The following UGT3A2 variants were observed in gnomAD, a reference collection of about 807,000 sequenced individuals.
UGT3A2 encodes the protein UDP-glycosyltransferase 3A2.
UGT3A2 carries 32 observed loss-of-function variants against 39.8 expected under a neutral mutation model. The ratio of observed to expected loss-of-function variants is 0.80; its 90% CI spans 0.61 to 1.08. The LOEUF is 1.08. Ranked by LOEUF, UGT3A2 falls within the 50% of genes least tolerant of loss-of-function variation. The probability of loss-of-function intolerance (pLI) is 0.00; values close to 1 mark genes in which losing one functional copy is unlikely to be tolerated. For synonymous variants in UGT3A2, 241 were observed against 230.7 expected (o/e 1.04, Z -0.40); for missense variants, 611 against 637.1 (o/e 0.96, Z 0.44).
At chr5:36,058,740 T>A (rs1193567898) in intron 2 of UGT3A2, among the ~76,000 whole-genome samples, 2 of 151,506 alleles carry the variant, frequency 1.3e-5, no homozygotes, top group Non-Finnish European at 2.9e-5. Flanking sequence ...GGCCCCCTTC[T>A]TTATAACAGT....
At chr5:36,036,080 C>T (rs16902694) in intron 6 of UGT3A2, 106 bp from the exon 7 acceptor site, 21,213 of 1,413,252 alleles carry the variant, frequency 0.015, 582 homozygotes, top group African/African-American at 0.11. Context: ...CAAGGAAATT[C>T]TGTTGGCTTT....
intron 2 of UGT3A2, among the ~76,000 whole-genome samples, chr5:36,052,646 C>G (rs1205408551): frequency 1.3e-5 from 2 of 152,062 alleles, no homozygotes; most frequent in Admixed American, 6.5e-5. Flanking sequence ...CCCATCCTAC[C>G]CCTCCTCACA....
chr5:36,039,418 G>A (rs182922618), intron 5 of UGT3A2, 59 bp downstream of exon 5: 81 of 1,527,750 alleles, frequency 5.3e-5, no homozygotes, highest in African/African-American at 1.6e-4. Flanking sequence ...GGTCAGAGCC[G>A]TGATGAGCCC....
rs72742496 is a variant in UGT3A2 at position 36,037,982 on chromosome 5, G to C, written c.1110C>G (p.Gly370=). ...TGGCCTCCATTATGCTATTCTGCCCGCCGTGGGTGACAAACAGACGGATGC... is the reference window on the plus strand; with the variant it reads ...TGGCCTCCATTATGCTATTCTGCCCCCCGTGGGTGACAAACAGACGGATGC... ...HPSIRLFVTH[G]GQNSIMEAIQ... The change falls in exon 6 of 7, where the codon GGC becomes GGG. Residue 370 remains glycine, a synonymous_variant. Transcript: ENST00000282507. 6.8e-6 allele frequency: 11 copies of C among 1,610,552 alleles called. No homozygotes were observed. Among genetic ancestry groups the C allele is most frequent in the Non-Finnish European group, 9.3e-6 (11 of 1,178,940 alleles).
chr5:36,037,676 G>A (rs2247611), intron 6 of UGT3A2, 121 bp downstream of exon 6: 993,328 of 1,059,352 alleles, frequency 0.94, 466,349 homozygotes, highest in South Asian at 0.98. Flanking sequence ...CCCATGTCCT[G>A]GAAAATACAG....
At chr5:36,036,247 A>C (rs111653463) in intron 6 of UGT3A2, among the ~76,000 whole-genome samples, 1 of 152,222 alleles carries the variant, frequency 6.6e-6, no homozygotes, top group African/African-American at 2.4e-5. Context: ...TAGGAAAATT[A>C]TATATGATGT....
intron 6 of UGT3A2, 135 bp downstream of exon 6, chr5:36,037,662 T>G: frequency 1.1e-6 from 1 of 900,512 alleles, no homozygotes; most frequent in Non-Finnish European, 1.7e-6. Flanking sequence ...CACACACATA[T>G]TATCCCATGT....
At chr5:36,063,864 G>A (rs1247248029) in intron 2 of UGT3A2, among the ~76,000 whole-genome samples, 1 of 152,164 alleles carries the variant, frequency 6.6e-6, no homozygotes, top group Non-Finnish European at 1.5e-5. Flanking sequence ...TCAAACTCCT[G>A]GGTTCAAGTG....
intron 2 of UGT3A2, among the ~76,000 whole-genome samples, chr5:36,055,855 G>T (rs947050781): frequency 5.3e-5 from 8 of 152,010 alleles, no homozygotes; most frequent in African/African-American, 1.9e-4. Flanking sequence ...TTTTCACCAG[G>T]TCTGTGAGAT....
Position 36,052,092 on chromosome 5 carries a change from A to G in UGT3A2, c.197-108T>C, listed in dbSNP as rs1742362064. 4.4e-6 allele frequency: 3 copies of G among 685,784 alleles called. No individual in the cohort carries two copies. The African/African-American group carries it at 5.6e-5, about 13-fold the overall frequency. The allele number at this position is 685,784 out of a possible 1,614,324, so 42.5% of individuals were successfully genotyped here. On this transcript the variant is annotated intron_variant, in intron 2 of 6. Coordinates refer to ENST00000282507, the MANE Select transcript of UGT3A2 (RefSeq NM_174914.4). ...TTTCAAAGATTATGTATGTATTTGA[A>G]TGATTGCTTCAAGTATTTTTTAATG...
chr5:36,049,078 C>A lies in UGT3A2; in HGVS notation c.654G>T (p.Gln218His). Residue 218 changes from glutamine to histidine, a missense_variant, in exon 4 of 7, where the codon CAG becomes CAT. Transcript: ENST00000282507. ...FSFCRRQQHM[Q>H]STFDNTIKEH... ...CCTTGATGGTGTTGTCAAATGTAGA[C>A]TGCATGTGCTGTTGCCTCCTGCAGA... 6.2e-7 allele frequency: 1 copy of A among 1,614,182 alleles called. No homozygotes were observed. Among genetic ancestry groups the A allele is most frequent in the Non-Finnish European group, 8.5e-7 (1 of 1,180,040 alleles).
chr5:36,055,225 G>GTTGTTT (rs1554078769), intron 2 of UGT3A2, among the ~76,000 whole-genome samples: 183 of 150,882 alleles, frequency 1.2e-3, no homozygotes, highest in African/African-American at 4.4e-3. Flanking sequence ...CTGCTCTGCA[G>GTTGTTT]TTTGTTTTTT....
rs181456056 is a variant in UGT3A2 at position 36,063,201 on chromosome 5, T to C, written c.196+1048A>G. Among the ~76,000 whole-genome samples the C allele has an allele frequency of 2.1e-3, 316 of 152,282 alleles. 4 individuals are homozygous for C. Among genetic ancestry groups the C allele is most frequent in the Non-Finnish European group, 3.0e-3 (206 of 68,012 alleles). ...TTCAGGGGGTGCATGTCCAGGTGTA[T>C]TGCATGATGATGGAGTTTGGGCTTT... is the stretch of plus-strand genomic sequence containing the variant. On this transcript the variant is annotated intron_variant, in intron 2 of 6. Coordinates refer to ENST00000282507, the MANE Select transcript of UGT3A2 (RefSeq NM_174914.4).
chr5:36,036,667 A>G (rs1387532491), intron 6 of UGT3A2, among the ~76,000 whole-genome samples: 7 of 152,220 alleles, frequency 4.6e-5, no homozygotes, highest in Non-Finnish European at 5.9e-5. Context: ...AATACATGAA[A>G]TTGCAAATAT....
intron 2 of UGT3A2, among the ~76,000 whole-genome samples, chr5:36,063,031 A>C (rs1434385890): frequency 6.7e-6 from 1 of 149,176 alleles, no homozygotes; most frequent in Non-Finnish European, 1.5e-5. Context: ...ACAGAGCGAG[A>C]CTCTGTCTCA....
Position 36,039,551 on chromosome 5 carries a change from G to A in UGT3A2, c.1001C>T (p.Ser334Phe). Reference sequence around the variant, plus strand: ...CAGGTGGACATCTTTGGGCCAATGAGAACACTGACACTTCCATATCACCCC... The same window carrying A: ...CAGGTGGACATCTTTGGGCCAATGAAAACACTGACACTTCCATATCACCCC... ...PQGVIWKCQC[S>F]HWPKDVHLAA... The change falls in exon 5 of 7, where the codon TCT becomes TTT. Residue 334 changes from serine (S) to phenylalanine (F), a missense_variant. Physicochemically the swap from Ser to Phe is radical, Grantham distance 155. Coordinates refer to ENST00000282507, the MANE Select transcript of UGT3A2 (RefSeq NM_174914.4). The A allele has an allele frequency of 6.2e-7, 1 of 1,614,184 alleles. No individual in the cohort carries two copies. Among genetic ancestry groups the A allele is most frequent in the African/African-American group, 1.3e-5 (1 of 75,032 alleles).
chr5:36,055,069 G>GCA (rs1742462821), intron 2 of UGT3A2, among the ~76,000 whole-genome samples: 1 of 151,814 alleles, frequency 6.6e-6, no homozygotes, highest in Non-Finnish European at 1.5e-5. Flanking sequence ...AACCTGGGAG[G>GCA]AGGAGGTTGC....
At chr5:36,065,109 C>G (rs184636117) in intron 1 of UGT3A2, among the ~76,000 whole-genome samples, 54 of 152,122 alleles carry the variant, frequency 3.5e-4, no homozygotes, top group African/African-American at 1.3e-3. Context: ...ACAAGTTCCA[C>G]GAAATCAATG....
At chr5:36,057,499 T>C (rs1742549587) in intron 2 of UGT3A2, among the ~76,000 whole-genome samples, 1 of 152,018 alleles carries the variant, frequency 6.6e-6, no homozygotes, top group East Asian at 1.9e-4. Flanking sequence ...GAGTAAAAGG[T>C]CTGTAGCTTT....
Sources: allele counts gnomAD v4.1 joint callset (sites outside exome capture counted in the v4.1 genomes callset), GRCh38; gene constraint gnomAD v4.1.1; transcripts MANE v1.5; gene names NCBI Gene and HGNC (gene_info 2026-07-23, HGNC 2026-07-21).